The following UNC79 variants were observed in gnomAD, a reference collection of about 807,000 sequenced individuals.
UNC79 encodes unc-79 subunit of NALCN channel complex, also known as protein unc-79 homolog.
UNC79 carries 37 observed loss-of-function variants against 283.1 expected under a neutral mutation model. The ratio of observed to expected loss-of-function variants is 0.13; its 90% CI spans 0.10 to 0.17. The LOEUF (loss-of-function observed/expected upper bound fraction) is 0.17. Ranked by LOEUF, UNC79 falls within the 10% of genes least tolerant of loss-of-function variation. The pLI is 1.00. For missense variants in UNC79, 2,272 were observed against 3,211.1 expected, an observed-to-expected ratio of 0.71 and a Z score of 7.07; for synonymous variants, 1,107 against 1,200.2, an observed-to-expected ratio of 0.92 and a Z score of 1.61.
At chr14:93,618,145 C>A in intron 28 of UNC79, 47 bp from the exon 30 acceptor site, 1 of 1,558,300 alleles carries the variant, frequency 6.4e-7, no homozygotes, top group Non-Finnish European at 8.7e-7. Flanking sequence ...AAAAGCTTAC[C>A]CTCTAAAATA....
At chr14:93,676,585 C>G (rs2073360577) in intron 41 of UNC79, among the ~76,000 whole-genome samples, 1 of 152,146 alleles carries the variant, frequency 6.6e-6, no homozygotes, top group Admixed American at 6.5e-5. Context: ...ACAGCATTCC[C>G]TTAATTGCCC....
At chr14:93,667,623 C>T (rs1021359784) in intron 40 of UNC79, among the ~76,000 whole-genome samples, 3 of 152,060 alleles carry the variant, frequency 2.0e-5, no homozygotes, top group African/African-American at 2.4e-5. Context: ...AAGAACTGAT[C>T]GATCTCTTCT....
At chr14:93,667,833 G>A (rs2072385213) in intron 40 of UNC79, among the ~76,000 whole-genome samples, 1 of 152,170 alleles carries the variant, frequency 6.6e-6, no homozygotes, top group Admixed American at 6.5e-5. Context: ...AGTTGGAAAT[G>A]TCTCAAAATA....
chr14:93,689,970 T>C (rs1189189789), intron 44 of UNC79, 147 bp from the exon 48 acceptor site: 1 of 764,678 alleles, frequency 1.3e-6, no homozygotes, highest in African/African-American at 1.7e-5. Flanking sequence ...TATATCATTT[T>C]GTTGACACTC....
chr14:93,640,561 G>T (rs1267066151), intron 32 of UNC79, among the ~76,000 whole-genome samples: 2 of 152,196 alleles, frequency 1.3e-5, no homozygotes, highest in African/African-American at 4.8e-5. Flanking sequence ...CTGGGAGGTT[G>T]AGGCTGCAGT....
intron 26 of UNC79, among the ~76,000 whole-genome samples, chr14:93,608,541 T>G (rs2066055037): frequency 6.6e-6 from 1 of 152,326 alleles, no homozygotes; most frequent in Non-Finnish European, 1.5e-5. Context: ...TGTGGATATG[T>G]GCACACACAA....
intron 8 of UNC79, among the ~76,000 whole-genome samples, chr14:93,526,692 A>G (rs1329877136): frequency 4.6e-5 from 7 of 152,250 alleles, no homozygotes; most frequent in African/African-American, 1.7e-4. Context: ...TCACTAGACC[A>G]ACTACAGATC....
chr14:93,529,433 A>G, intron 10 of UNC79, 107 bp downstream of exon 10: 2 of 1,183,034 alleles, frequency 1.7e-6, no homozygotes, highest in Non-Finnish European at 2.4e-6. Flanking sequence ...TCACCAAAGT[A>G]TTGTATTGTA....
intron 7 of UNC79, among the ~76,000 whole-genome samples, chr14:93,512,806 T>A (rs1043580192): frequency 3.3e-5 from 5 of 152,152 alleles, no homozygotes; most frequent in Admixed American, 6.5e-5. Context: ...TTTAACATAT[T>A]TGAACTACTT....
At chr14:93,398,260 C>A (rs1484101521) in intron 1 of UNC79, among the ~76,000 whole-genome samples, 1 of 152,096 alleles carries the variant, frequency 6.6e-6, no homozygotes, top group African/African-American at 2.4e-5. Context: ...GATAAGCCAG[C>A]CAGGTGGGAT....
At chr14:93,450,498 G>C (rs2056602906) in intron 1 of UNC79, among the ~76,000 whole-genome samples, 1 of 152,130 alleles carries the variant, frequency 6.6e-6, no homozygotes, top group Non-Finnish European at 1.5e-5. Context: ...CAGGAGAAAG[G>C]ATGCATCTAT....
At chr14:93,377,102 T>C (rs1419410202) in intron 1 of UNC79, among the ~76,000 whole-genome samples, 45 of 145,044 alleles carry the variant, frequency 3.1e-4, no homozygotes, top group African/African-American at 9.8e-4. Context: ...GTTTCTTTTT[T>C]TTTTTTTTTT....
intron 25 of UNC79, among the ~76,000 whole-genome samples, chr14:93,601,165 T>C (rs2065472876): frequency 6.6e-6 from 1 of 152,192 alleles, no homozygotes; most frequent in South Asian, 2.1e-4. Context: ...GATAAGTTCT[T>C]TAGTGGTAAT....
At chr14:93,361,058 A>G (rs2139941006) in intron 1 of UNC79, among the ~76,000 whole-genome samples, 1 of 152,026 alleles carries the variant, frequency 6.6e-6, no homozygotes, top group South Asian at 2.1e-4. Context: ...TACTAAAAAT[A>G]CAAAAATTAC....
chr14:93,429,256 C>T (rs1291331194), upstream of UNC79, among the ~76,000 whole-genome samples: 1 of 152,188 alleles, frequency 6.6e-6, no homozygotes, highest in African/African-American at 2.4e-5. Context: ...CATCATGCTT[C>T]ACATAATCAT....
At chr14:93,437,613 C>T (rs2056136277) in intron 1 of UNC79, 1 of 152,486 alleles carries the variant, frequency 6.6e-6, no homozygotes, top group African/African-American at 2.4e-5. Flanking sequence ...AGATTATTCT[C>T]TTACAGTTCT....
intron 42 of UNC79, among the ~76,000 whole-genome samples, chr14:93,685,849 G>A (rs997182142): frequency 1.3e-5 from 2 of 152,164 alleles, no homozygotes; most frequent in African/African-American, 4.8e-5. Flanking sequence ...GGGAGAGCAG[G>A]CCAATGTCAT....
intron 14 of UNC79, among the ~76,000 whole-genome samples, chr14:93,562,136 A>G (rs2062596963): frequency 6.6e-6 from 1 of 152,226 alleles, no homozygotes; most frequent in African/African-American, 2.4e-5. Flanking sequence ...CAATGGACAC[A>G]GCTTTATTCT....
At chr14:93,537,279 C>T (rs1007595253) in intron 11 of UNC79, among the ~76,000 whole-genome samples, 5 of 152,238 alleles carry the variant, frequency 3.3e-5, no homozygotes, top group Non-Finnish European at 7.3e-5. Context: ...AAATGTCTTA[C>T]GCTCCACCAC....
Sources: gnomAD v4.1 joint callset for allele counts (sites outside exome capture counted in the v4.1 genomes callset) on GRCh38, gnomAD v4.1.1 for gene constraint, MANE v1.5 for transcripts, NCBI Gene and HGNC (gene_info 2026-07-23, HGNC 2026-07-21) for gene names.